Variants in PCM1 observed in about 807,000 individuals in gnomAD.
PCM1 encodes pericentriolar material 1.
Under a neutral mutation model 241.9 loss-of-function variants are expected in PCM1, and 157 were observed. The ratio of observed to expected loss-of-function variants is 0.65; its 90% CI spans 0.57 to 0.74. The LOEUF (loss-of-function observed/expected upper bound fraction) is 0.74, where lower values mean the gene tolerates loss of function less well. PCM1 is among the 30% of genes least tolerant of loss of function. PCM1 has a pLI of 0.00. For missense variants in PCM1, 3,478 were observed against 2,360.1 expected (o/e 1.47, Z -9.81); for synonymous variants, 1,085 against 784.9 (o/e 1.38, Z -6.39).
chr8:17,924,632 C>G (rs141314813), intron 1 of PCM1, 81 bp from the exon 2 acceptor site: 1 of 152,224 alleles, frequency 6.6e-6, no homozygotes, highest in East Asian at 1.9e-4. Context: ...ATACTTTAGA[C>G]CAAAACTGAA....
intron 2 of PCM1, chr8:17,927,922 C>T (rs1432235505): frequency 7.6e-6 from 1 of 132,396 alleles, no homozygotes; most frequent in Non-Finnish European, 1.6e-5. Flanking sequence ...AGTATATTTT[C>T]ATTTTTGTGT....
chr8:17,992,643 G>A (rs887682602), intron 28 of PCM1, among the ~76,000 whole-genome samples: 2 of 136,754 alleles, frequency 1.5e-5, no homozygotes, highest in African/African-American at 5.4e-5. Flanking sequence ...TTTGAGCACA[G>A]TCTTGCTCTG....
intron 21 of PCM1, 131 bp from the exon 22 acceptor site, chr8:17,969,446 T>C: frequency 2.9e-6 from 2 of 683,072 alleles, no homozygotes; most frequent in Non-Finnish European, 4.8e-6. Context: ...ATATTAGCTT[T>C]TTTTTTTAAT....
intron 3 of PCM1, 120 bp downstream of exon 3, chr8:17,935,826 G>T: frequency 1.7e-6 from 1 of 578,650 alleles, no homozygotes; most frequent in South Asian, 2.5e-5. Flanking sequence ...AAGACATTAA[G>T]GGACCCTGGG....
Position 17,980,727 on chromosome 8 carries a change from A to G in PCM1, c.4080A>G (p.Lys1360=). The change falls in exon 24 of 39, where the codon AAA becomes AAG. Residue 1360 remains lysine, a synonymous_variant. Transcript: ENST00000325083. The stretch of plus-strand genomic sequence containing the variant: ...ATGAGCAACTGGAAAAAATAATAAA[A>G]TGTAATAGGTCTACAGAAATATCTT... ...KNHEQLEKII[K]CNRSTEISSE... is the part of the protein sequence containing the mutation. 1 of 1,611,136 alleles carries G rather than the reference A, an allele frequency of 6.2e-7. No homozygotes were observed. Among genetic ancestry groups the G allele is most frequent in the South Asian group, 1.1e-5 (1 of 91,032 alleles).
At chr8:17,927,498 A>C (rs759765658) in intron 2 of PCM1, 1 of 152,118 alleles carries the variant, frequency 6.6e-6, no homozygotes, top group Non-Finnish European at 1.5e-5. Flanking sequence ...TTTTCATGGT[A>C]ATTAATACTG....
At position 17,984,641 on chromosome 8, in the gene PCM1, C is replaced by A. The variant is rs191333239; in HGVS notation, c.4109-806C>A. On this transcript the variant is annotated intron_variant, in intron 24 of 38. Transcript: ENST00000325083. ...TCTTTTTCCATTTTCTTATTCCTCT[C>A]ACAAAAATGAGTTTTTATGATCTTG... Among the ~76,000 whole-genome samples the A allele has an allele frequency of 3.3e-5, 5 of 151,992 alleles. No individual in the cohort carries two copies. In the East Asian group the frequency reaches 7.7e-4, roughly 23 times the overall value.
chr8:17,994,986 C>T (rs2086147044), intron 29 of PCM1, among the ~76,000 whole-genome samples: 1 of 151,358 alleles, frequency 6.6e-6, no homozygotes, highest in South Asian at 2.1e-4. Context: ...TGTCTCTTCA[C>T]TTTGTTGTTT....
intron 13 of PCM1, among the ~76,000 whole-genome samples, chr8:17,958,894 G>A (rs2070179825): frequency 6.6e-6 from 1 of 152,036 alleles, no homozygotes; most frequent in Non-Finnish European, 1.5e-5. Context: ...GCTAATGTTT[G>A]TATTTTTAGT....
At chr8:17,925,906 T>G (rs551443445) in intron 2 of PCM1, 2 of 152,298 alleles carry the variant, frequency 1.3e-5, no homozygotes, top group African/African-American at 4.8e-5. Flanking sequence ...AGATTTTTAT[T>G]TTATAGCTCT....
intron 13 of PCM1, among the ~76,000 whole-genome samples, chr8:17,957,997 G>C (rs1251271007): frequency 6.6e-6 from 1 of 152,114 alleles, no homozygotes; most frequent in East Asian, 1.9e-4. Context: ...TGGCGATATA[G>C]TATCTGTCAC....
intron 18 of PCM1, among the ~76,000 whole-genome samples, chr8:17,965,472 C>G (rs2074480528): frequency 6.6e-6 from 1 of 152,162 alleles, no homozygotes. Context: ...TTTTATTATA[C>G]CACAAGAATG....
chr8:18,018,891 TACATACAC>T (rs1158394215), intron 36 of PCM1, among the ~76,000 whole-genome samples: 5 of 82,508 alleles, frequency 6.1e-5, no homozygotes, highest in East Asian at 6.2e-4. Context: ...CACACACATA[TACATACAC>T]ATATATATAT....
intron 34 of PCM1, chr8:18,013,683 TTAAG>T: frequency 3.6e-6 from 1 of 277,204 alleles, no homozygotes; most frequent in Non-Finnish European, 6.6e-6. Flanking sequence ...CTTGTCTGCA[TTAAG>T]TGTCTTTTAG....
chr8:18,006,459 G>T, intron 30 of PCM1, 62 bp downstream of exon 30: 1 of 1,089,140 alleles, frequency 9.2e-7, no homozygotes, highest in Non-Finnish European at 1.4e-6. Context: ...TTTTTTCGGG[G>T]GGTGGGTGAG....
At chr8:18,025,008 G>A (rs530407520) in intron 36 of PCM1, 124 of 167,884 alleles carry the variant, frequency 7.4e-4, no homozygotes, top group African/African-American at 2.9e-3. Context: ...GTTTGTAAGT[G>A]GTTACTTACA....
At chr8:18,006,624 G>A (rs555067769) in intron 30 of PCM1, among the ~76,000 whole-genome samples, 41 of 152,150 alleles carry the variant, frequency 2.7e-4, no homozygotes, top group African/African-American at 8.9e-4. Flanking sequence ...CATCTCTAAG[G>A]CATGTCTCTT....
At chr8:18,005,478 G>C (rs1477753344) in intron 29 of PCM1, among the ~76,000 whole-genome samples, 10 of 151,870 alleles carry the variant, frequency 6.6e-5, no homozygotes, top group Admixed American at 6.6e-5. Flanking sequence ...GTATTGGTGG[G>C]GGGGACTGAA....
At position 17,985,997 on chromosome 8, in the gene PCM1, A is replaced by C. The variant is rs1319856058; in HGVS notation, c.4320A>C (p.Lys1440Asn). The C allele has an allele frequency of 6.3e-7, 1 of 1,587,142 alleles. No individual in the cohort carries two copies. The highest frequency in any genetic ancestry group is 1.3e-5 in the African/African-American group (1 of 74,130). Residue 1440 changes from lysine (K) to asparagine (N), a missense_variant, in exon 26 of 39, where the codon AAA (lysine) becomes AAC (asparagine). By Grantham distance (94) the Lys-to-Asn change is moderately conservative (BLOSUM62 0). Transcript: ENST00000325083. ...GACATATTTCTGAGAGCCATGAAAA[A>C]GGAGAAAATGTAAAGTCAGTAAACT... The part of the protein sequence containing the change: ...VSRHISESHE[K>N]GENVKSVNSG...
Sources: allele counts gnomAD v4.1 joint callset (sites outside exome capture counted in the v4.1 genomes callset), GRCh38; gene constraint gnomAD v4.1.1; transcripts MANE v1.5; gene names NCBI Gene and HGNC (gene_info 2026-07-23, HGNC 2026-07-21).